LEP: variants seen among roughly 807,000 people sequenced by gnomAD.
LEP encodes the protein leptin (murine obesity homolog).
A neutral mutation model predicts 9.8 loss-of-function variants in LEP; 6 were observed. The observed-to-expected ratio is 0.61, with a 90% CI of 0.34 to 1.21. LEP has a LOEUF of 1.21. Ranked by LOEUF, LEP falls within the 50% of genes most tolerant of loss-of-function variation. The pLI, the probability that LEP is intolerant of heterozygous loss-of-function variation, is 0.04. For synonymous variants in LEP, 112 were observed against 81.7 expected (o/e 1.37, Z -2.00); for missense variants, 134 against 198.1 (o/e 0.68, Z 1.94).
chr7:128,248,659 C>T (rs1317895391), intron 1 of LEP, among the ~76,000 whole-genome samples: 1 of 152,148 alleles, frequency 6.6e-6, no homozygotes, highest in African/African-American at 2.4e-5. Flanking sequence ...TGTAAATTCT[C>T]AAACCAGTTG....
Position 128,256,326 on chromosome 7 carries a change from C to T in LEP, c.*1563C>T, listed in dbSNP as rs199509773. ...CATCCTGCTGCTGTGTTTTTGCTAT[C>T]ACACAGTGGGTGGTGGATCTGTCCA... On this transcript the variant is annotated 3_prime_UTR_variant, in exon 3 of 3. Coordinates refer to ENST00000308868, the MANE Select transcript of LEP (RefSeq NM_000230.3). 3.9e-5 allele frequency: 6 copies of T among 152,662 alleles called. No individual in the cohort carries two copies. The highest frequency in any genetic ancestry group is 1.4e-4 in the African/African-American group (6 of 41,450). The allele number at this position is 152,662 out of a possible 1,614,324, so 9.5% of individuals were successfully genotyped here. A position where few individuals can be genotyped will look rare whatever the true frequency, so the allele number is the denominator to read the frequency against.
In LEP at chr7:128,244,066, T is replaced by G. The variant is rs1453284715; in HGVS notation, c.-29+2760T>G. On this transcript the variant is annotated intron_variant, in intron 1 of 2. Coordinates refer to ENST00000308868, the MANE Select transcript of LEP (RefSeq NM_000230.3). ...GAGTTCCAGATCAGCTGGGGCAACATGGCAAAACCCCATCTCTATTAAAAA... is the reference window on the plus strand; with the variant it reads ...GAGTTCCAGATCAGCTGGGGCAACAGGGCAAAACCCCATCTCTATTAAAAA... 3.5e-5 allele frequency among the ~76,000 whole-genome samples: 5 copies of G among 141,382 alleles called. No homozygotes were observed. The South Asian group carries it at 9.6e-4, about 27-fold the overall frequency. The allele number at this position is 141,382 out of a possible 152,430, so 92.8% of individuals were successfully genotyped here.
chr7:128,252,207 G>C (rs1330029192), intron 2 of LEP, 45 bp downstream of exon 2: 1 of 1,609,492 alleles, frequency 6.2e-7, no homozygotes, highest in Non-Finnish European at 8.5e-7. Flanking sequence ...AGCCAGCCCA[G>C]CACTGGCTCC....
chr7:128,249,580 G>A (rs1795251179), intron 1 of LEP, among the ~76,000 whole-genome samples: 1 of 152,224 alleles, frequency 6.6e-6, no homozygotes, highest in South Asian at 2.1e-4. Context: ...ACTCTGAGAA[G>A]TAAAGTATTT....
At position 128,241,579 on chromosome 7, in the gene LEP, C is replaced by A. The variant is rs554048528; in HGVS notation, c.-29+273C>A. Among the ~76,000 whole-genome samples, 198 of 152,354 alleles carry A rather than the reference C, an allele frequency of 1.3e-3. 8 individuals are homozygous for A. In the South Asian group the frequency reaches 0.04, roughly 31 times the overall value. On this transcript the variant is annotated intron_variant, in intron 1 of 2. Coordinates refer to ENST00000308868, the MANE Select transcript of LEP (RefSeq NM_000230.3). ...GGTCCCTGGGAGACTGTCAGACCCA[C>A]CAACCTGGTGGCATTCGCAGAGCTG...
At chr7:128,253,300 T>C (rs980367592) in intron 2 of LEP, among the ~76,000 whole-genome samples, 1 of 152,184 alleles carries the variant, frequency 6.6e-6, no homozygotes, top group African/African-American at 2.4e-5. Context: ...TTCAACCCTC[T>C]ACTGATTTGC....
Position 128,254,694 on chromosome 7 carries a change from G to A in LEP, c.435G>A (p.Val145=). ...CTTCAGGCTACTCCACAGAGGTGGT[G>A]GCCCTGAGCAGGCTGCAGGGGTCTC... ...LEASGYSTEV[V]ALSRLQGSLQ... The change falls in exon 3 of 3, where the codon GTG becomes GTA. Residue 145 remains valine, a synonymous_variant. Transcript: ENST00000308868. The A allele has an allele frequency of 6.2e-7, 1 of 1,613,914 alleles. No individual in the cohort carries two copies. Among genetic ancestry groups the A allele is most frequent in the Non-Finnish European group, 8.5e-7 (1 of 1,180,004 alleles).
intron 1 of LEP, among the ~76,000 whole-genome samples, chr7:128,246,936 G>A (rs1328851227): frequency 6.6e-6 from 1 of 152,062 alleles, no homozygotes; most frequent in African/African-American, 2.4e-5. Context: ...AGTGGGCCAT[G>A]AGGGAGACAG....
chr7:128,254,915 A>T lies in LEP; in HGVS notation c.*152A>T. On this transcript the variant is annotated 3_prime_UTR_variant, in exon 3 of 3. Transcript: ENST00000308868. ...TCCTCTAAGCCACTCTTCCAAAGGC[A>T]TAAGACCCTAAGCCTCCTTTTGCTT... 1.2e-6 allele frequency: 1 copy of T among 824,814 alleles called. No individual in the cohort carries two copies. The highest frequency in any genetic ancestry group is 2.0e-6 in the Non-Finnish European group (1 of 503,956). The allele number at this position is 824,814 out of a possible 1,614,324, so 51.1% of individuals were successfully genotyped here. A position where few individuals can be genotyped will look rare whatever the true frequency, so the allele number is the denominator to read the frequency against.
intron 1 of LEP, 94 bp from the exon 2 acceptor site, chr7:128,251,897 T>A: frequency 9.5e-7 from 1 of 1,048,922 alleles, no homozygotes; most frequent in Non-Finnish European, 1.5e-6. Flanking sequence ...CAAAGCTGAT[T>A]TTCATCCCCG....
At position 128,257,443 on chromosome 7, in the gene LEP, C is replaced by T. The variant is rs2116235766; in HGVS notation, c.*2680C>T. 6.6e-6 allele frequency: 1 copy of T among 152,002 alleles called. No individual in the cohort carries two copies. Among genetic ancestry groups the T allele is most frequent in the African/African-American group, 2.4e-5 (1 of 41,446 alleles). 9.4% of individuals were successfully genotyped at this position (152,002 alleles called of 1,614,324 possible). On this transcript the variant is annotated 3_prime_UTR_variant, in exon 3 of 3. Coordinates refer to ENST00000308868, the MANE Select transcript of LEP (RefSeq NM_000230.3). Reference sequence around the variant, plus strand: ...AGTTAGCTGAGCGTGGTGGCGGGCGCCTGTAGTCCCAGCCACTCGGGAGGC... The same window carrying T: ...AGTTAGCTGAGCGTGGTGGCGGGCGTCTGTAGTCCCAGCCACTCGGGAGGC...
intron 2 of LEP, among the ~76,000 whole-genome samples, chr7:128,253,193 T>C (rs1795295712): frequency 6.6e-6 from 1 of 152,148 alleles, no homozygotes; most frequent in Admixed American, 6.5e-5. Flanking sequence ...CTATCCCATC[T>C]CTAGATGTGC....
In LEP at chr7:128,256,449, C is replaced by T; in HGVS notation, c.*1686C>T. ...AGGCTGGAGAAGCTCACCCAATAAA[C>T]ATTAAGATTGAGGCCTGCCCTCAGG... is the stretch of plus-strand genomic sequence containing the variant. On this transcript the variant is annotated 3_prime_UTR_variant, in exon 3 of 3. Transcript: ENST00000308868. The T allele has an allele frequency of 6.5e-6, 1 of 152,700 alleles. No homozygotes were observed. Among genetic ancestry groups the T allele is most frequent in the East Asian group, 1.9e-4 (1 of 5,198 alleles). The allele number at this position is 152,700 out of a possible 1,614,324, so 9.5% of individuals were successfully genotyped here.
chr7:128,248,962 A>G (rs1795244606), intron 1 of LEP, among the ~76,000 whole-genome samples: 1 of 152,254 alleles, frequency 6.6e-6, no homozygotes, highest in Non-Finnish European at 1.5e-5. Flanking sequence ...AGGCTTGTAC[A>G]AAAGTAATTG....
In LEP at chr7:128,252,178, G is replaced by A. The variant is rs147166686; in HGVS notation, c.144+16G>A. 88 of 1,613,888 alleles carry A rather than the reference G, an allele frequency of 5.5e-5. No homozygotes were observed. In the East Asian group the frequency reaches 1.1e-3, roughly 20 times the overall value. On this transcript the variant is annotated intron_variant, in intron 2 of 2. Transcript: ENST00000308868. Reference sequence around the variant, plus strand: ...TTCACACACGGTAAGGAGAGTATGCGGGGACAAAGTAGAACTGCAGCCAGC... The same window carrying A: ...TTCACACACGGTAAGGAGAGTATGCAGGGACAAAGTAGAACTGCAGCCAGC...
chr7:128,243,643 G>C (rs1318711905), intron 1 of LEP, among the ~76,000 whole-genome samples: 3 of 152,176 alleles, frequency 2.0e-5, no homozygotes, highest in African/African-American at 7.2e-5. Context: ...AGCATTTTCT[G>C]TCTTTATTAA....
intron 1 of LEP, among the ~76,000 whole-genome samples, chr7:128,243,592 A>G (rs536845351): frequency 2.6e-5 from 4 of 152,308 alleles, no homozygotes; most frequent in African/African-American, 9.6e-5. Flanking sequence ...AAGTGCAGGA[A>G]GCAGACCAAG....
chr7:128,244,596 GA>G (rs1795190386), intron 1 of LEP, among the ~76,000 whole-genome samples: 1 of 152,130 alleles, frequency 6.6e-6, no homozygotes. Context: ...TGTCTCAAAT[GA>G]AAAATATATT....
chr7:128,246,599 G>A (rs1045039626), intron 1 of LEP, among the ~76,000 whole-genome samples: 6 of 151,410 alleles, frequency 4.0e-5, no homozygotes, highest in African/African-American at 1.5e-4. Flanking sequence ...GACCACAAGC[G>A]TTTGCCACCA....
Sources: allele counts gnomAD v4.1 joint callset (sites outside exome capture counted in the v4.1 genomes callset), GRCh38; gene constraint gnomAD v4.1.1; transcripts MANE v1.5; gene names NCBI Gene and HGNC (gene_info 2026-07-23, HGNC 2026-07-21).